Variants in LINC00632 observed in about 807,000 individuals in gnomAD.
LINC00632 encodes long independently transcribed non-coding RNA 632.
chrX:140,766,839 T>C (rs935303540), intron 3 of LINC00632, among the ~76,000 whole-genome samples: 2 of 112,273 alleles, frequency 1.8e-5, no homozygotes, highest in Admixed American at 9.5e-5. Context: ...ATGGAAGAGT[T>C]GTATCGATAC....
intron 2 of LINC00632, among the ~76,000 whole-genome samples, chrX:140,717,455 CT>C (rs1268492018): frequency 1.8e-5 from 2 of 110,719 alleles, no homozygotes; most frequent in African/African-American, 6.6e-5. Flanking sequence ...GAGATCACCC[CT>C]AAACACAAAA....
chrX:140,743,243 A>G (rs1299965998), intron 3 of LINC00632, among the ~76,000 whole-genome samples: 5 of 98,261 alleles, frequency 5.1e-5, no homozygotes, highest in African/African-American at 3.6e-5. Context: ...AAAAAAAAAA[A>G]AAAAAAAAAA....
chrX:140,728,992 C>A (rs776705908), intron 2 of LINC00632, among the ~76,000 whole-genome samples: 2 of 111,219 alleles, frequency 1.8e-5, no homozygotes, highest in Non-Finnish European at 3.8e-5. Flanking sequence ...GAGACACACA[C>A]CCTGTCATCC....
At position 140,747,522 on chromosome X, in the gene LINC00632, C is replaced by G. The variant is rs772335861; in HGVS notation, n.191+13558C>G. On this transcript the variant is annotated intron_variant and non_coding_transcript_variant, in intron 3 of 4. Transcript: ENST00000648200. ...TCCAGCCTGGGCGGGAAGAGCCAAA[C>G]TCCATCCAAAAAAAAAAAAAAAAAA... 5.0e-5 allele frequency among the ~76,000 whole-genome samples: 4 copies of G among 80,570 alleles called. No homozygotes were observed. The East Asian group carries it at 1.7e-3, about 35-fold the overall frequency. The allele number at this position is 80,570 out of a possible 115,157, so 70.0% of individuals were successfully genotyped here. A position where few individuals can be genotyped will look rare whatever the true frequency, so the allele number is the denominator to read the frequency against.
chrX:140,773,922 G>T (rs1215354341), exon 4 of LINC00632, among the ~76,000 whole-genome samples: 1 of 112,285 alleles, frequency 8.9e-6, no homozygotes, highest in African/African-American at 3.2e-5. Flanking sequence ...TGCTTTAACA[G>T]GTGTAGAAGA....
exon 5 of LINC00632, among the ~76,000 whole-genome samples, chrX:140,779,103 A>G (rs1931905855): frequency 9.0e-6 from 1 of 111,640 alleles, no homozygotes; most frequent in African/African-American, 3.3e-5. Context: ...CCCCCCAAAT[A>G]TCAAAGCTGA....
intron 3 of LINC00632, among the ~76,000 whole-genome samples, chrX:140,755,431 C>T (rs1276695299): frequency 4.5e-5 from 5 of 112,189 alleles, no homozygotes; most frequent in Non-Finnish European, 1.9e-5. Flanking sequence ...CTGCCACTTA[C>T]TAGCTATATG....
At chrX:140,725,896 C>T (rs1930952197) in intron 2 of LINC00632, among the ~76,000 whole-genome samples, 1 of 111,536 alleles carries the variant, frequency 9.0e-6, no homozygotes, top group South Asian at 3.8e-4. Flanking sequence ...CGCAGAAACA[C>T]ATCCCATGAC....
At position 140,783,796 on chromosome X, in the gene LINC00632, A is replaced by G. The variant is rs200866908; in HGVS notation, n.11815A>G. The G allele has an allele frequency of 1.2e-4, 146 of 1,207,503 alleles. No individual in the cohort carries two copies. In the Middle Eastern group the frequency reaches 3.7e-3, roughly 31 times the overall value. On this transcript the variant is annotated non_coding_transcript_exon_variant, in exon 5 of 5. Coordinates refer to ENST00000648200, the Ensembl canonical transcript of LINC00632. The stretch of plus-strand genomic sequence containing the variant: ...GTCTTCCTGAAGATCCACGTCTTCC[A>G]GAAAATCCATGTCTTCCAGAAAATC...
intron 3 of LINC00632, among the ~76,000 whole-genome samples, chrX:140,740,926 A>C (rs920476047): frequency 5.4e-5 from 6 of 112,144 alleles, no homozygotes; most frequent in African/African-American, 1.9e-4. Context: ...TCAGCTCATA[A>C]CATAGGATTC....
At chrX:140,776,736 T>C (rs183151714) in exon 5 of LINC00632, among the ~76,000 whole-genome samples, 228 of 111,637 alleles carry the variant, frequency 2.0e-3, no homozygotes, top group African/African-American at 6.5e-3. Flanking sequence ...AGTGTGGCGA[T>C]TCCTCAAGGA....
chrX:140,772,829 C>A (rs965229389), exon 4 of LINC00632: 10 of 112,770 alleles, frequency 8.9e-5, no homozygotes, highest in African/African-American at 3.2e-4. Flanking sequence ...TGTGTAAAAT[C>A]TGCCAGTGAG....
At chrX:140,735,502 T>C (rs1304238606) in intron 3 of LINC00632, among the ~76,000 whole-genome samples, 2 of 112,023 alleles carry the variant, frequency 1.8e-5, no homozygotes, top group Non-Finnish European at 3.7e-5. Context: ...GTTGTGAAAA[T>C]CAAAGTACTT....
chrX:140,727,322 G>C (rs773990874), intron 2 of LINC00632, among the ~76,000 whole-genome samples: 1 of 111,576 alleles, frequency 9.0e-6, no homozygotes, highest in Admixed American at 9.6e-5. Flanking sequence ...ATGGATTTTC[G>C]CTCTTGTTGC....
intron 3 of LINC00632, among the ~76,000 whole-genome samples, chrX:140,762,932 T>G (rs1931626268): frequency 1.8e-5 from 2 of 112,228 alleles, no homozygotes; most frequent in Non-Finnish European, 3.8e-5. Flanking sequence ...TGTTAAAGAC[T>G]TCTTAGCTAT....
chrX:140,782,184 T>C (rs1220449712), exon 5 of LINC00632, among the ~76,000 whole-genome samples: 1 of 110,991 alleles, frequency 9.0e-6, no homozygotes, highest in South Asian at 3.7e-4. Flanking sequence ...AGTAGTCTCA[T>C]GATGTCTTTT....
chrX:140,724,984 C>T (rs1377885106), intron 2 of LINC00632, among the ~76,000 whole-genome samples: 1 of 27,942 alleles, frequency 3.6e-5, no homozygotes, highest in Non-Finnish European at 6.7e-5. Flanking sequence ...CCATTACACA[C>T]ACTCAGACAC....
exon 5 of LINC00632, among the ~76,000 whole-genome samples, chrX:140,777,638 A>G (rs1172917310): frequency 4.4e-5 from 5 of 112,484 alleles, no homozygotes; most frequent in Non-Finnish European, 9.4e-5. Flanking sequence ...TGCCGCTCTA[A>G]AGCTAGGGAA....
At chrX:140,722,381 A>C (rs1221500691) in intron 2 of LINC00632, among the ~76,000 whole-genome samples, 2 of 108,218 alleles carry the variant, frequency 1.8e-5, no homozygotes, top group East Asian at 2.9e-4. Flanking sequence ...AAAAAAAAAC[A>C]ACCTCACAGA....
Sources: allele counts gnomAD v4.1 joint callset (sites outside exome capture counted in the v4.1 genomes callset), GRCh38; gene constraint gnomAD v4.1.1; transcripts MANE v1.5; gene names NCBI Gene and HGNC (gene_info 2026-07-23, HGNC 2026-07-21).